Variants in PUM3 observed in about 807,000 individuals in gnomAD.
PUM3 encodes the protein pumilio RNA binding family member 3.
A neutral mutation model predicts 84.0 loss-of-function variants in PUM3; 91 were observed. That is an observed-to-expected ratio of 1.08 (90% CI 0.91 to 1.29). The LOEUF is 1.29. Among genes scored for constraint, PUM3 ranks in the 50% most tolerant of loss-of-function variants. The probability of loss-of-function intolerance (pLI) is 0.00; values close to 1 mark genes in which losing one functional copy is unlikely to be tolerated. For missense variants in PUM3, 1,067 were observed against 767.5 expected (o/e 1.39, Z -4.61); for synonymous variants, 321 against 266.7 (o/e 1.20, Z -1.98).
At position 2,804,378 on chromosome 9, in the gene PUM3, T is replaced by G; in HGVS notation, c.1900A>C (p.Ser634Arg). Residue 634 changes from serine to arginine, a missense_variant, in exon 18 of 18, where the codon AGC (serine) becomes CGC (arginine). By Grantham distance (110) the Ser-to-Arg change is moderately radical (BLOSUM62 -1). Coordinates refer to ENST00000397885, the MANE Select transcript of PUM3 (RefSeq NM_014878.5). The stretch of plus-strand genomic sequence containing the variant: ...AGAATTTCTATTCCTTTGCTGGTGC[T>G]TTTGGTTTTTTCCAATGTAGGAATC... ...SLIPTLEKTKSTSKGIEILLE... is the reference protein window; with the variant it reads ...SLIPTLEKTKRTSKGIEILLE... 1 of 1,614,046 alleles carries G rather than the reference T, an allele frequency of 6.2e-7. No individual in the cohort carries two copies. Among genetic ancestry groups the G allele is most frequent in the Non-Finnish European group, 8.5e-7 (1 of 1,179,980 alleles).
intron 10 of PUM3, among the ~76,000 whole-genome samples, chr9:2,826,411 G>A (rs1036761821): frequency 9.2e-5 from 14 of 152,114 alleles, no homozygotes; most frequent in Non-Finnish European, 1.8e-4. Flanking sequence ...AAATTATTTT[G>A]CATGCCAATT....
At chr9:2,806,627 A>G (rs886101696) in intron 17 of PUM3, among the ~76,000 whole-genome samples, 23 of 152,226 alleles carry the variant, frequency 1.5e-4, no homozygotes, top group Admixed American at 7.2e-4. Context: ...AATGCTCTTA[A>G]CAGAAGGTTT....
Position 2,834,001 on chromosome 9 carries a change from A to T in PUM3, c.440+30T>A, listed in dbSNP as rs1816054049. 1.9e-6 allele frequency: 3 copies of T among 1,607,578 alleles called. No homozygotes were observed. The East Asian group carries it at 6.7e-5, about 36-fold the overall frequency. On this transcript the variant is annotated intron_variant, in intron 4 of 17. Coordinates refer to ENST00000397885, the MANE Select transcript of PUM3 (RefSeq NM_014878.5). ...CTGACTTCTCCACTGTTGCAAAGGG[A>T]CTAACAAAGGCATCTTTAGGTAGAA...
At chr9:2,825,489 CT>C (rs60258892) in intron 10 of PUM3, among the ~76,000 whole-genome samples, 109 of 148,478 alleles carry the variant, frequency 7.3e-4, no homozygotes, top group African/African-American at 2.2e-3. Context: ...TTTACATTTT[CT>C]TTTTTTTTTG....
At chr9:2,840,476 T>C (rs1015811153) in intron 1 of PUM3, among the ~76,000 whole-genome samples, 1 of 152,238 alleles carries the variant, frequency 6.6e-6, no homozygotes, top group Non-Finnish European at 1.5e-5. Context: ...TCGGTGGATA[T>C]CGCCTGCAGC....
At chr9:2,828,857 A>AT in intron 8 of PUM3, 79 bp from the exon 9 acceptor site, 1 of 808,714 alleles carries the variant, frequency 1.2e-6, no homozygotes, top group East Asian at 2.5e-5. Context: ...GTAATTAGTC[A>AT]TTTTAAAATA....
At chr9:2,817,544 T>C (rs1463825110) in intron 13 of PUM3, among the ~76,000 whole-genome samples, 1 of 151,966 alleles carries the variant, frequency 6.6e-6, no homozygotes, top group Non-Finnish European at 1.5e-5. Flanking sequence ...TGCAGAAAAA[T>C]ACATGTAAGA....
chr9:2,830,749 T>C (rs1815954070), intron 7 of PUM3, among the ~76,000 whole-genome samples: 2 of 152,176 alleles, frequency 1.3e-5, no homozygotes, highest in Non-Finnish European at 1.5e-5. Context: ...TTCTCATGTA[T>C]CTTTTTAGGA....
chr9:2,831,047 T>C lies in PUM3; in HGVS notation c.611-19A>G, dbSNP rs1237240298. Reference sequence around the variant, plus strand: ...AAATCATCTGAAAAACAAAAATACATTACAGTGACTTCAGATCTCATTTCA... The same window carrying C: ...AAATCATCTGAAAAACAAAAATACACTACAGTGACTTCAGATCTCATTTCA... On this transcript the variant is annotated intron_variant, in intron 6 of 17. Coordinates refer to ENST00000397885, the MANE Select transcript of PUM3 (RefSeq NM_014878.5). The C allele has an allele frequency of 9.6e-6, 12 of 1,253,324 alleles. No individual in the cohort carries two copies. The highest frequency in any genetic ancestry group is 1.3e-5 in the Non-Finnish European group (11 of 863,500). The allele number at this position is 1,253,324 out of a possible 1,614,324, so 77.6% of individuals were successfully genotyped here. A position where few individuals can be genotyped will look rare whatever the true frequency, so the allele number is the denominator to read the frequency against.
At chr9:2,810,579 G>C (rs1821346273) in intron 15 of PUM3, 148 bp from the exon 16 acceptor site, 5 of 588,832 alleles carry the variant, frequency 8.5e-6, no homozygotes, top group Non-Finnish European at 1.5e-5. Flanking sequence ...CTTTATCTAG[G>C]ACAACCATCA....
In PUM3 at chr9:2,838,575, A is replaced by G; in HGVS notation, c.-10-58T>C. On this transcript the variant is annotated intron_variant, in intron 1 of 17. Transcript: ENST00000397885. ...ACTGCAGTTCTCTTCATCAAATAAG[A>G]GCTGTTTCATAGTCATTGCCACATT... The G allele has an allele frequency of 2.8e-6, 3 of 1,061,910 alleles. 1 individual carries two copies. The highest frequency in any genetic ancestry group is 2.5e-5 in the South Asian group (2 of 78,836). 65.8% of individuals were successfully genotyped at this position (1,061,910 alleles called of 1,614,324 possible). A position where few individuals can be genotyped will look rare whatever the true frequency, so the allele number is the denominator to read the frequency against.
Position 2,829,864 on chromosome 9 carries a change from G to A in PUM3, c.762C>T (p.Ile254=), listed in dbSNP as rs762655084. Residue 254 remains isoleucine, a synonymous_variant, in exon 8 of 18, where the codon ATC becomes ATT. Transcript: ENST00000397885. ...CTTTGTCATTGTATGCGTACTCCACGATGGCTGATGCTTCCGCATGCCGCA... is the reference window on the plus strand; with the variant it reads ...CTTTGTCATTGTATGCGTACTCCACAATGGCTGATGCTTCCGCATGCCGCA... ...KMLRHAEASA[I]VEYAYNDKAI... The A allele has an allele frequency of 8.1e-6, 13 of 1,613,768 alleles. No homozygotes were observed. Among genetic ancestry groups the A allele is most frequent in the South Asian group, 5.5e-5 (5 of 91,072 alleles).
chr9:2,807,692 G>A, intron 17 of PUM3, 122 bp downstream of exon 17: 2 of 564,044 alleles, frequency 3.5e-6, no homozygotes, highest in South Asian at 2.0e-5. Context: ...TCTAGACCAT[G>A]AGTGACTGGG....
chr9:2,837,326 A>T lies in PUM3; in HGVS notation c.158T>A (p.Phe53Tyr). 1.9e-6 allele frequency: 3 copies of T among 1,614,046 alleles called. No individual in the cohort carries two copies. Among genetic ancestry groups the T allele is most frequent in the Non-Finnish European group, 1.7e-6 (2 of 1,179,958 alleles). The change falls in exon 3 of 18, where the codon TTT becomes TAT. Residue 53 changes from phenylalanine (F) to tyrosine (Y), a missense_variant. Transcript: ENST00000397885. ...CCCAAGTTTTGTGATACTTTTCTCAAAGTTCCTAGATGTGACTTTAGGTCC... is the reference window on the plus strand; with the variant it reads ...CCCAAGTTTTGTGATACTTTTCTCATAGTTCCTAGATGTGACTTTAGGTCC... The part of the protein sequence containing the change: ...EGGPKVTSRN[F>Y]EKSITKLGKK...
At chr9:2,813,429 G>C (rs144460257) in intron 13 of PUM3, among the ~76,000 whole-genome samples, 1 of 152,166 alleles carries the variant, frequency 6.6e-6, no homozygotes, top group Non-Finnish European at 1.5e-5. Flanking sequence ...TTCAGAACTG[G>C]CTGGGCCTCG....
chr9:2,824,683 T>C, intron 11 of PUM3, 34 bp downstream of exon 11: 2 of 1,380,022 alleles, frequency 1.4e-6, no homozygotes, highest in East Asian at 2.5e-5. Context: ...CCCTGACTTG[T>C]ACAGTTTAAA....
intron 13 of PUM3, among the ~76,000 whole-genome samples, chr9:2,819,437 A>G (rs1337299895): frequency 2.0e-5 from 3 of 152,218 alleles, no homozygotes; most frequent in Admixed American, 6.5e-5. Flanking sequence ...AAAGGAAGCT[A>G]GAGTTTTAAT....
At chr9:2,830,011 C>T in intron 7 of PUM3, 63 bp from the exon 8 acceptor site, 5 of 1,455,876 alleles carry the variant, frequency 3.4e-6, no homozygotes, top group Non-Finnish European at 4.7e-6. Context: ...GACAATAAAA[C>T]ACAACTTACT....
At chr9:2,835,013 CAA>C (rs56393910) in intron 3 of PUM3, among the ~76,000 whole-genome samples, 14 of 119,960 alleles carry the variant, frequency 1.2e-4, no homozygotes, top group Non-Finnish European at 1.4e-4. Context: ...GGGAAAAATG[CAA>C]AAAAAAAAAA....
Sources: gnomAD v4.1 joint callset for allele counts (sites outside exome capture counted in the v4.1 genomes callset) on GRCh38, gnomAD v4.1.1 for gene constraint, MANE v1.5 for transcripts, NCBI Gene and HGNC (gene_info 2026-07-23, HGNC 2026-07-21) for gene names.